SPATA6L: variants seen among roughly 807,000 people sequenced by gnomAD.
The protein encoded by SPATA6L is spermatogenesis associated 6-like protein.
SPATA6L carries 68 observed loss-of-function variants against 49.2 expected under a neutral mutation model. The observed-to-expected ratio is 1.38, with a 90% CI of 1.14 to 1.69. The LOEUF is 1.69. SPATA6L is among the 40% of genes most tolerant of loss of function. The pLI, the probability that SPATA6L is intolerant of heterozygous loss-of-function variation, is 0.00. For synonymous variants in SPATA6L, 198 were observed against 165.7 expected (o/e 1.19, Z -1.50); for missense variants, 668 against 464.3 (o/e 1.44, Z -4.03).
At chr9:4,655,302 G>C (rs1026977326) in intron 3 of SPATA6L, among the ~76,000 whole-genome samples, 5 of 152,152 alleles carry the variant, frequency 3.3e-5, no homozygotes, top group Non-Finnish European at 7.3e-5. Context: ...AGCACATGTT[G>C]TATAATCTCA....
chr9:4,589,078 T>C (rs1031112142), intron 13 of SPATA6L: 1 of 152,234 alleles, frequency 6.6e-6, no homozygotes, highest in African/African-American at 2.4e-5. Context: ...TGGAACACGA[T>C]GAGTGGGCAC....
rs2129992809 is a variant in SPATA6L, at chr9:4,599,291, CTTGGATA to C, written c.*1513_*1519del. Among the ~76,000 whole-genome samples, 1 of 152,318 alleles carries C rather than the reference CTTGGATA, an allele frequency of 6.6e-6. No individual in the cohort carries two copies. The highest frequency in any genetic ancestry group is 1.5e-5 in the Non-Finnish European group (1 of 68,016). On this transcript the variant is annotated 3_prime_UTR_variant, in exon 12 of 12. Transcript: ENST00000682582. Reference sequence around the variant, plus strand: ...CAGATTTTTAGATTGGGAGGTTCAACTTGGATATACCTTTATTTGGCTGAAATTCTAA... The same window carrying C: ...CAGATTTTTAGATTGGGAGGTTCAACTACCTTTATTTGGCTGAAATTCTAA...
intron 6 of SPATA6L, among the ~76,000 whole-genome samples, chr9:4,624,676 C>T (rs906271594): frequency 2.0e-5 from 3 of 148,338 alleles, no homozygotes; most frequent in Admixed American, 6.9e-5. Flanking sequence ...TGCAGTAAGC[C>T]GAGATTGTGT....
In SPATA6L at chr9:4,605,335, A is replaced by G; in HGVS notation, c.1089+12T>C. 1 of 1,606,208 alleles carries G rather than the reference A, an allele frequency of 6.2e-7. No individual in the cohort carries two copies. The highest frequency in any genetic ancestry group is 8.5e-7 in the Non-Finnish European group (1 of 1,172,796). On this transcript the variant is annotated intron_variant, in intron 10 of 11. Coordinates refer to ENST00000682582, the MANE Select transcript of SPATA6L (RefSeq NM_001353486.2). ...TAGTGAGCAAAGATCTAGTTTTATA[A>G]GAAAGTCTAACCTTGTTTTGGTGCA...
chr9:4,634,952 T>A (rs971933312), intron 4 of SPATA6L, among the ~76,000 whole-genome samples: 3 of 152,220 alleles, frequency 2.0e-5, no homozygotes, highest in Non-Finnish European at 4.4e-5. Flanking sequence ...AGATAACTAC[T>A]GTCGCTACTC....
chr9:4,663,690 T>G (rs1333190360), intron 1 of SPATA6L: 7 of 178,600 alleles, frequency 3.9e-5, no homozygotes, highest in African/African-American at 1.4e-4. Flanking sequence ...AGACAGGTCA[T>G]GTACTAATCC....
rs759713295 is a variant in SPATA6L, at chr9:4,635,287, A to G, written c.339T>C (p.Ala113=). 2.9e-5 allele frequency: 44 copies of G among 1,529,294 alleles called. No homozygotes were observed. The highest frequency in any genetic ancestry group is 3.7e-5 in the Non-Finnish European group (42 of 1,150,556). 94.7% of individuals were successfully genotyped at this position (1,529,294 alleles called of 1,614,324 possible). The change falls in exon 4 of 12, where the codon GCT becomes GCC. Residue 113 remains alanine (A), a synonymous_variant. Coordinates refer to ENST00000682582, the MANE Select transcript of SPATA6L (RefSeq NM_001353486.2). The part of the protein sequence containing the change: ...RRCREVLMKT[A]LGFPGIAPKI... Reference sequence around the variant, plus strand: ...ATGAATCACTTACTGGAAAACCCAGAGCCGTCTTCATGAGCACCTCCCTAC... The same window carrying G: ...ATGAATCACTTACTGGAAAACCCAGGGCCGTCTTCATGAGCACCTCCCTAC...
intron 2 of SPATA6L, among the ~76,000 whole-genome samples, 194 bp downstream of exon 2, chr9:4,661,705 G>C (rs1439532269): frequency 6.7e-6 from 1 of 148,240 alleles, no homozygotes; most frequent in Non-Finnish European, 1.5e-5. Flanking sequence ...TTTAGCACTA[G>C]ATTGACAGAA....
At chr9:4,639,670 C>T (rs1351082912) in intron 3 of SPATA6L, among the ~76,000 whole-genome samples, 1 of 152,200 alleles carries the variant, frequency 6.6e-6, no homozygotes, top group Non-Finnish European at 1.5e-5. Flanking sequence ...TCTGAAAGAA[C>T]TCAATGTTCT....
At chr9:4,663,018 GC>G (rs765851717) in intron 1 of SPATA6L, 13 of 1,613,614 alleles carry the variant, frequency 8.1e-6, no homozygotes. Flanking sequence ...CTCGGGCCAT[GC>G]CACAAGGGCC....
intron 3 of SPATA6L, among the ~76,000 whole-genome samples, chr9:4,636,965 AAATCCATT>A (rs1832930256): frequency 6.6e-6 from 1 of 152,086 alleles, no homozygotes; most frequent in Non-Finnish European, 1.5e-5. Flanking sequence ...TCCTGCACTC[AAATCCATT>A]GTCCGCACGC....
Position 4,600,493 on chromosome 9 carries a change from C to CAGATAG in SPATA6L, c.*317_*318insCTATCT. On this transcript the variant is annotated 3_prime_UTR_variant, in exon 12 of 12. Coordinates refer to ENST00000682582, the MANE Select transcript of SPATA6L (RefSeq NM_001353486.2). ...AGAGACAGAGAGAGCCAGAGAGAGC[C>CAGATAG]AGAGAGAGAGAGAGGGGAAGTGTTC... 1 of 133,794 alleles carries CAGATAG rather than the reference C, an allele frequency of 7.5e-6. No homozygotes were observed. The highest frequency in any genetic ancestry group is 2.6e-4 in the South Asian group (1 of 3,894). The allele number at this position is 133,794 out of a possible 1,614,324, so 8.3% of individuals were successfully genotyped here. A position where few individuals can be genotyped will look rare whatever the true frequency, so the allele number is the denominator to read the frequency against.
rs749025312 is a variant in SPATA6L at position 4,637,335 on chromosome 9, G to A, written c.227-1936C>T. Among the ~76,000 whole-genome samples the A allele has an allele frequency of 2.6e-5, 4 of 152,084 alleles. No homozygotes were observed. In the East Asian group the frequency reaches 5.8e-4, roughly 22 times the overall value. On this transcript the variant is annotated intron_variant, in intron 3 of 11. Transcript: ENST00000682582. ...TTTAAATGTCATCTTATCAGAAGGT[G>A]GCAACCCAACCTAACAGAGCACTCC...
intron 13 of SPATA6L, among the ~76,000 whole-genome samples, chr9:4,591,559 C>T (rs529123937): frequency 6.6e-6 from 1 of 152,230 alleles, no homozygotes; most frequent in Non-Finnish European, 1.5e-5. Flanking sequence ...CTGCTTCTGT[C>T]TTCCCAGCAT....
intron 3 of SPATA6L, among the ~76,000 whole-genome samples, chr9:4,650,705 G>A (rs1230887928): frequency 6.6e-6 from 1 of 152,098 alleles, no homozygotes; most frequent in South Asian, 2.1e-4. Flanking sequence ...TGTCGCCCAG[G>A]CTAGAGTGCA....
downstream of SPATA6L, chr9:4,596,484 T>C (rs891453218): frequency 3.9e-5 from 6 of 152,194 alleles, no homozygotes; most frequent in African/African-American, 1.4e-4. Flanking sequence ...AAAACAAGTA[T>C]GATGTTTATC....
At chr9:4,604,667 T>C (rs1042036594) in intron 10 of SPATA6L, among the ~76,000 whole-genome samples, 3 of 152,238 alleles carry the variant, frequency 2.0e-5, no homozygotes, top group African/African-American at 4.8e-5. Context: ...AAACAACATT[T>C]AGTTTTAAGT....
chr9:4,589,939 T>G (rs1433394623), intron 13 of SPATA6L, among the ~76,000 whole-genome samples: 1 of 152,200 alleles, frequency 6.6e-6, no homozygotes, highest in Non-Finnish European at 1.5e-5. Flanking sequence ...ATTTATATAT[T>G]TTGACACGGA....
At chr9:4,660,106 G>C (rs1839257437) in intron 2 of SPATA6L, among the ~76,000 whole-genome samples, 1 of 152,210 alleles carries the variant, frequency 6.6e-6, no homozygotes, top group African/African-American at 2.4e-5. Flanking sequence ...ATACCATTCA[G>C]GACATATGCA....
Sources: gnomAD v4.1 joint callset for allele counts (sites outside exome capture counted in the v4.1 genomes callset) on GRCh38, gnomAD v4.1.1 for gene constraint, MANE v1.5 for transcripts, NCBI Gene and HGNC (gene_info 2026-07-23, HGNC 2026-07-21) for gene names.